CEP128: variants seen among roughly 807,000 people sequenced by gnomAD.
CEP128 encodes centrosomal protein 128.
Under a neutral mutation model 156.7 loss-of-function variants are expected in CEP128, and 132 were observed. The observed-to-expected ratio is 0.84, with a 90% confidence interval of 0.73 to 0.97. The LOEUF (loss-of-function observed/expected upper bound fraction) is 0.97. Ranked by LOEUF, CEP128 falls within the 50% of genes least tolerant of loss-of-function variation. CEP128 has a pLI of 0.00. For missense variants in CEP128, 1,252 were observed against 1,281.9 expected (o/e 0.98, Z 0.36); for synonymous variants, 469 against 448.9 (o/e 1.04, Z -0.57).
intron 21 of CEP128, among the ~76,000 whole-genome samples, chr14:80,540,199 C>CCCA (rs1555372601): frequency 1.1e-5 from 1 of 93,858 alleles, no homozygotes; most frequent in Admixed American, 8.8e-5. Context: ...GTTCTTACAC[C>CCCA]CCCCCCCCTT....
chr14:80,863,545 A>G (rs1176610731), intron 8 of CEP128, among the ~76,000 whole-genome samples: 5 of 152,190 alleles, frequency 3.3e-5, no homozygotes, highest in African/African-American at 1.2e-4. Flanking sequence ...CTCCTTACTA[A>G]AAGTTGCATA....
rs766724436 is a variant in CEP128 at position 80,856,720 on chromosome 14, CTTTTTTTTTTTT to C, written c.762+6025_762+6036del. Among the ~76,000 whole-genome samples, 102 of 65,188 alleles carry C rather than the reference CTTTTTTTTTTTT, an allele frequency of 1.6e-3. 1 individual carries two copies. Among genetic ancestry groups the C allele is most frequent in the African/African-American group, 6.0e-3 (95 of 15,784 alleles). The allele number at this position is 65,188 out of a possible 152,430, so 42.8% of individuals were successfully genotyped here. ...AGCATTTATCTCATGTTTTTCTTTT[CTTTTTTTTTTTT>C]TTTTTTTTTTTTTTTTGAGACAGGG... On this transcript the variant is annotated intron_variant, in intron 9 of 24. Coordinates refer to ENST00000555265, the MANE Select transcript of CEP128 (RefSeq NM_152446.5).
rs1491470595 is a variant in CEP128 at position 80,617,217 on chromosome 14, A to ACCTTTTT, written c.2807-36795_2807-36794insAAAAAGG. Among the ~76,000 whole-genome samples the ACCTTTTT allele has an allele frequency of 1.3e-3, 56 of 43,076 alleles. 1 individual carries two copies. The highest frequency in any genetic ancestry group is 1.8e-3 in the Non-Finnish European group (35 of 19,850). The allele number at this position is 43,076 out of a possible 152,430, so 28.3% of individuals were successfully genotyped here. On this transcript the variant is annotated intron_variant, in intron 19 of 24. Transcript: ENST00000555265. ...AAATCACTTAACCTATGTGAATATC[A>ACCTTTTT]TCTTTTTTTTTTTTTTTTTTTTTTT... is the stretch of plus-strand genomic sequence containing the variant.
chr14:80,599,508 C>T (rs1892493069), intron 19 of CEP128, among the ~76,000 whole-genome samples: 1 of 151,902 alleles, frequency 6.6e-6, no homozygotes, highest in Admixed American at 6.6e-5. Flanking sequence ...ATCTCCTGAC[C>T]TCGTGATCCA....
chr14:80,569,171 A>C (rs555420244), intron 20 of CEP128, among the ~76,000 whole-genome samples: 18 of 152,188 alleles, frequency 1.2e-4, no homozygotes, highest in Non-Finnish European at 2.2e-4. Flanking sequence ...ATTTCAAACA[A>C]ATTTCTAAAT....
chr14:80,825,025 A>G (rs1192874619), intron 13 of CEP128, among the ~76,000 whole-genome samples: 1 of 152,246 alleles, frequency 6.6e-6, no homozygotes, highest in African/African-American at 2.4e-5. Flanking sequence ...CATGTCTTAC[A>G]TGGTGGCAGA....
chr14:80,585,862 T>C (rs973097993), intron 19 of CEP128, among the ~76,000 whole-genome samples: 1 of 152,232 alleles, frequency 6.6e-6, no homozygotes, highest in African/African-American at 2.4e-5. Flanking sequence ...TATATTTAAA[T>C]ATATTCATAT....
At chr14:80,752,732 G>A (rs769496493) in intron 18 of CEP128, among the ~76,000 whole-genome samples, 19 of 152,156 alleles carry the variant, frequency 1.2e-4, no homozygotes, top group Non-Finnish European at 2.2e-4. Flanking sequence ...ACAGAGTTCC[G>A]AGACCTGAGT....
chr14:80,752,627 T>C (rs1439240917), intron 18 of CEP128, among the ~76,000 whole-genome samples: 1 of 152,152 alleles, frequency 6.6e-6, no homozygotes, highest in Non-Finnish European at 1.5e-5. Context: ...TCACACAATG[T>C]TTTAAAAAAT....
chr14:80,905,676 T>G, intron 5 of CEP128: 1 of 280,176 alleles, frequency 3.6e-6, no homozygotes, highest in South Asian at 4.8e-5. Flanking sequence ...ATTTATGTAT[T>G]TGTTTTGATT....
At position 80,689,266 on chromosome 14, in the gene CEP128, G is replaced by C. The variant is rs546801844; in HGVS notation, c.2806+53809C>G. ...AGAGTGACCCACTGAACTGCAGCCT[G>C]CATGACACAGCGAGACTCCGTCTCA... On this transcript the variant is annotated intron_variant, in intron 19 of 24. Transcript: ENST00000555265. 1.5e-4 allele frequency among the ~76,000 whole-genome samples: 20 copies of C among 130,502 alleles called. 1 individual carries two copies. The highest frequency in any genetic ancestry group is 5.9e-4 in the African/African-American group (20 of 33,950). The allele number at this position is 130,502 out of a possible 152,430, so 85.6% of individuals were successfully genotyped here.
intron 19 of CEP128, among the ~76,000 whole-genome samples, chr14:80,664,126 T>C (rs1895514514): frequency 1.3e-5 from 2 of 152,170 alleles, no homozygotes; most frequent in Admixed American, 1.3e-4. Flanking sequence ...CAGCCTAGAA[T>C]ATGGGTTGAC....
chr14:80,903,923 C>G (rs1346049427), intron 6 of CEP128, among the ~76,000 whole-genome samples: 2 of 152,042 alleles, frequency 1.3e-5, no homozygotes, highest in Non-Finnish European at 2.9e-5. Context: ...TTATGGAAAA[C>G]TGTATGGAGG....
At chr14:80,702,204 G>A (rs1285369784) in intron 19 of CEP128, among the ~76,000 whole-genome samples, 2 of 151,982 alleles carry the variant, frequency 1.3e-5, no homozygotes, top group Admixed American at 6.6e-5. Context: ...TTTTATTCAC[G>A]GTCATATTTC....
At chr14:80,874,289 C>A (rs1418211040) in intron 8 of CEP128, among the ~76,000 whole-genome samples, 1 of 151,916 alleles carries the variant, frequency 6.6e-6, no homozygotes, top group Non-Finnish European at 1.5e-5. Context: ...CATCGCGAAA[C>A]CCTGTCTCTA....
chr14:80,540,029 G>C (rs1889670864), intron 21 of CEP128, among the ~76,000 whole-genome samples: 1 of 152,102 alleles, frequency 6.6e-6, no homozygotes, highest in African/African-American at 2.4e-5. Flanking sequence ...TGTTTATCAA[G>C]ACAATACATG....
intron 19 of CEP128, among the ~76,000 whole-genome samples, chr14:80,681,809 G>A (rs1455969750): frequency 6.6e-6 from 1 of 152,152 alleles, no homozygotes; most frequent in Non-Finnish European, 1.5e-5. Context: ...GTTCTTTATA[G>A]CAACAAGAGA....
chr14:80,818,966 T>C (rs1252444239), intron 13 of CEP128, among the ~76,000 whole-genome samples: 1 of 152,182 alleles, frequency 6.6e-6, no homozygotes, highest in Non-Finnish European at 1.5e-5. Context: ...GCCTATTTCT[T>C]AAGATTTAGA....
At chr14:80,533,471 T>C (rs775380225) in intron 21 of CEP128, among the ~76,000 whole-genome samples, 36 of 152,142 alleles carry the variant, frequency 2.4e-4, no homozygotes, top group Non-Finnish European at 4.7e-4. Flanking sequence ...AGTAAATAGT[T>C]TTGCTTAAAA....
Sources: gnomAD v4.1 joint callset for allele counts (sites outside exome capture counted in the v4.1 genomes callset) on GRCh38, gnomAD v4.1.1 for gene constraint, MANE v1.5 for transcripts, NCBI Gene and HGNC (gene_info 2026-07-23, HGNC 2026-07-21) for gene names.